The following CACNA2D3 variants were observed in gnomAD, a reference collection of about 807,000 sequenced individuals.
CACNA2D3 encodes voltage-dependent calcium channel subunit alpha-2/delta-3.
A neutral mutation model predicts 160.6 loss-of-function variants in CACNA2D3; 60 were observed. That is an observed-to-expected ratio of 0.37 (90% CI 0.30 to 0.46). The LOEUF is 0.46. Among genes scored for constraint, CACNA2D3 ranks in the 20% least tolerant of loss-of-function variants. The pLI, the probability that CACNA2D3 is intolerant of heterozygous loss-of-function variation, is 1.00. For synonymous variants in CACNA2D3, 558 were observed against 492.9 expected (o/e 1.13, Z -1.75); for missense variants, 1,205 against 1,365.0 (o/e 0.88, Z 1.85).
intron 2 of CACNA2D3, among the ~76,000 whole-genome samples, chr3:54,306,963 G>A (rs569626824): frequency 1.2e-4 from 19 of 152,216 alleles, no homozygotes; most frequent in Admixed American, 1.0e-3. Flanking sequence ...GGTAGCTGCC[G>A]CATGCCCCCC....
chr3:54,942,712 G>T (rs1701503217), intron 27 of CACNA2D3, among the ~76,000 whole-genome samples: 2 of 151,650 alleles, frequency 1.3e-5, no homozygotes, highest in South Asian at 4.2e-4. Flanking sequence ...AACATAGCGA[G>T]GCTCCATCTC....
intron 27 of CACNA2D3, among the ~76,000 whole-genome samples, chr3:54,945,090 C>T (rs1267639896): frequency 6.6e-6 from 1 of 152,160 alleles, no homozygotes; most frequent in East Asian, 1.9e-4. Context: ...GCTTGTTTGT[C>T]AGCATCTGAG....
intron 23 of CACNA2D3, 145 bp downstream of exon 23, chr3:54,885,731 C>T: frequency 1.5e-6 from 1 of 646,158 alleles, no homozygotes; most frequent in Non-Finnish European, 2.8e-6. Flanking sequence ...ATATCTGCTT[C>T]CTGTAGGAAC....
chr3:54,478,662 A>ATATATATATATATTGC lies in CACNA2D3; in HGVS notation c.382-24817_382-24816insTGCTATATATATATAT, dbSNP rs1277734585. ...AATATATATATAAATATGTGTGTGTATATATATATATATATATTGCTTGTC... is the reference window on the plus strand; with the variant it reads ...AATATATATATAAATATGTGTGTGTATATATATATATATTGCTATATATATATATATATTGCTTGTC... On this transcript the variant is annotated intron_variant, in intron 4 of 37. Coordinates refer to ENST00000474759, the MANE Select transcript of CACNA2D3 (RefSeq NM_018398.3). Among the ~76,000 whole-genome samples the ATATATATATATATTGC allele has an allele frequency of 6.7e-4, 24 of 36,018 alleles. 1 individual carries two copies. The highest frequency in any genetic ancestry group is 2.5e-3 in the African/African-American group (13 of 5,160). 23.6% of individuals were successfully genotyped at this position (36,018 alleles called of 152,430 possible).
chr3:54,329,870 G>T (rs1354883644), intron 3 of CACNA2D3, among the ~76,000 whole-genome samples: 2 of 152,186 alleles, frequency 1.3e-5, no homozygotes, highest in Non-Finnish European at 2.9e-5. Context: ...CGATGTGTTG[G>T]TGGCATTGGT....
At chr3:54,934,418 C>A (rs1701279596) in intron 27 of CACNA2D3, among the ~76,000 whole-genome samples, 2 of 152,150 alleles carry the variant, frequency 1.3e-5, no homozygotes, top group South Asian at 4.2e-4. Context: ...TTTTTTCTTG[C>A]CCTTTTGATA....
intron 10 of CACNA2D3, among the ~76,000 whole-genome samples, chr3:54,629,315 G>T (rs887638465): frequency 1.3e-5 from 2 of 151,902 alleles, no homozygotes; most frequent in African/African-American, 4.8e-5. Context: ...TTGGATTGTG[G>T]GTTAGTTACA....
At chr3:54,429,658 C>T (rs1410502560) in intron 4 of CACNA2D3, among the ~76,000 whole-genome samples, 1 of 152,052 alleles carries the variant, frequency 6.6e-6, no homozygotes, top group East Asian at 1.9e-4. Context: ...AACTGGACTG[C>T]GAATAGCACT....
At chr3:54,643,240 C>T (rs1699562986) in intron 11 of CACNA2D3, among the ~76,000 whole-genome samples, 1 of 152,122 alleles carries the variant, frequency 6.6e-6, no homozygotes, top group South Asian at 2.1e-4. Context: ...AGACAAATGA[C>T]AGCTGTGTCC....
intron 4 of CACNA2D3, among the ~76,000 whole-genome samples, chr3:54,480,270 C>A (rs189442300): frequency 6.6e-6 from 1 of 152,270 alleles, no homozygotes; most frequent in African/African-American, 2.4e-5. Context: ...AAATCACTGA[C>A]CCTCAGGATG....
intron 17 of CACNA2D3, among the ~76,000 whole-genome samples, chr3:54,859,561 C>T (rs778806041): frequency 3.9e-5 from 6 of 152,178 alleles, no homozygotes; most frequent in South Asian, 2.1e-4. Flanking sequence ...GAGTCTACCC[C>T]GTGCCTGCCC....
chr3:54,533,250 C>G (rs923460392), intron 5 of CACNA2D3, among the ~76,000 whole-genome samples: 2 of 151,462 alleles, frequency 1.3e-5, no homozygotes, highest in African/African-American at 2.4e-5. Flanking sequence ...CCGTGGTTTA[C>G]TTTCTTGCAT....
At chr3:55,031,358 C>A (rs1199528713) in intron 35 of CACNA2D3, among the ~76,000 whole-genome samples, 1 of 152,096 alleles carries the variant, frequency 6.6e-6, no homozygotes, top group Non-Finnish European at 1.5e-5. Flanking sequence ...AGCTTGCCCT[C>A]CATTTGTTCA....
At chr3:55,070,878 T>A (rs141732732) in intron 35 of CACNA2D3, among the ~76,000 whole-genome samples, 19 of 152,336 alleles carry the variant, frequency 1.2e-4, no homozygotes, top group African/African-American at 4.6e-4. Context: ...GAATGTGTAA[T>A]CAGTACTATA....
chr3:54,436,253 G>A (rs978708797), intron 4 of CACNA2D3, among the ~76,000 whole-genome samples: 6 of 152,194 alleles, frequency 3.9e-5, no homozygotes, highest in African/African-American at 4.8e-5. Context: ...AGTTAGAATG[G>A]CATTTATTAA....
chr3:54,458,849 G>A (rs924864666), intron 4 of CACNA2D3, among the ~76,000 whole-genome samples: 1 of 151,974 alleles, frequency 6.6e-6, no homozygotes, highest in African/African-American at 2.4e-5. Context: ...GTATACATGT[G>A]CCATGCTGGT....
intron 4 of CACNA2D3, among the ~76,000 whole-genome samples, chr3:54,489,905 C>A (rs13068995): frequency 0.042 from 6,406 of 152,084 alleles, 181 homozygotes; most frequent in Non-Finnish European, 0.063. Context: ...TGGAACAGAT[C>A]ATTAAAAAAA....
At chr3:54,271,562 G>C (rs1702622118) in intron 2 of CACNA2D3, among the ~76,000 whole-genome samples, 1 of 152,234 alleles carries the variant, frequency 6.6e-6, no homozygotes, top group African/African-American at 2.4e-5. Flanking sequence ...GACATCTGGG[G>C]AGTGGGTTCA....
intron 12 of CACNA2D3, among the ~76,000 whole-genome samples, chr3:54,761,548 C>T (rs564460155): frequency 6.6e-6 from 1 of 152,344 alleles, no homozygotes; most frequent in South Asian, 2.1e-4. Context: ...CCGACCATGC[C>T]TCTAAGAGGA....
Sources: allele counts gnomAD v4.1 joint callset (sites outside exome capture counted in the v4.1 genomes callset), GRCh38; gene constraint gnomAD v4.1.1; transcripts MANE v1.5; gene names NCBI Gene and HGNC (gene_info 2026-07-23, HGNC 2026-07-21).